The following ARID1B variants were observed in gnomAD, a reference collection of about 807,000 sequenced individuals.
The protein encoded by ARID1B is AT-rich interaction domain 1B, also known as AT-rich interactive domain-containing protein 1B.
ARID1B carries 30 observed loss-of-function variants against 212.3 expected under a neutral mutation model. The observed-to-expected ratio is 0.14, with a 90% CI of 0.11 to 0.19. ARID1B has a LOEUF of 0.19. Among genes scored for constraint, ARID1B ranks in the 10% least tolerant of loss-of-function variants. The probability of loss-of-function intolerance (pLI) is 1.00; values close to 1 mark genes in which losing one functional copy is unlikely to be tolerated. For synonymous variants in ARID1B, 1,402 were observed against 1,301.7 expected (o/e 1.08, Z -1.66); for missense variants, 2,891 against 3,204.0 (o/e 0.90, Z 2.36).
At chr6:157,149,648 T>C (rs1790059699) in intron 8 of ARID1B, 1 of 152,184 alleles carries the variant, frequency 6.6e-6, no homozygotes, top group South Asian at 2.1e-4. Context: ...TGGATAAAAA[T>C]AACATAATTA....
At chr6:157,139,939 G>A (rs111978947) in intron 7 of ARID1B, among the ~76,000 whole-genome samples, 4,082 of 151,696 alleles carry the variant, frequency 0.027, 74 homozygotes, top group Non-Finnish European at 0.042. Context: ...GGCCAAGCTG[G>A]CCTCAAATTC....
chr6:156,795,699 C>T (rs188999761), intron 1 of ARID1B, among the ~76,000 whole-genome samples: 282 of 152,174 alleles, frequency 1.9e-3, no homozygotes, highest in Non-Finnish European at 2.5e-3. Context: ...TCCCTCCCTC[C>T]CCAGGCTGCC....
chr6:157,126,734 T>C (rs1392255030), intron 6 of ARID1B, among the ~76,000 whole-genome samples: 2 of 152,262 alleles, frequency 1.3e-5, no homozygotes, highest in Non-Finnish European at 2.9e-5. Context: ...CTTGGGACCC[T>C]ATAATTCCAT....
chr6:157,116,681 A>G (rs1333615545), intron 6 of ARID1B, among the ~76,000 whole-genome samples: 1 of 151,956 alleles, frequency 6.6e-6, no homozygotes, highest in Non-Finnish European at 1.5e-5. Flanking sequence ...TGCTGGAGGC[A>G]GTTCTCTGGC....
chr6:157,056,296 C>CAAA (rs1307910293), intron 4 of ARID1B, among the ~76,000 whole-genome samples: 3 of 152,192 alleles, frequency 2.0e-5, no homozygotes. Context: ...TACATGTACT[C>CAAA]AAAATGTCCT....
intron 1 of ARID1B, among the ~76,000 whole-genome samples, chr6:156,828,517 A>G (rs539698575): frequency 6.6e-6 from 1 of 152,312 alleles, no homozygotes; most frequent in South Asian, 2.1e-4. Context: ...CTCCACGCCT[A>G]GCCCTCCTGT....
chr6:156,944,449 G>T (rs1173602919), intron 4 of ARID1B, among the ~76,000 whole-genome samples: 2 of 152,216 alleles, frequency 1.3e-5, no homozygotes, highest in Non-Finnish European at 1.5e-5. Context: ...TCTCCTGTAT[G>T]ATCAGTTTGG....
intron 2 of ARID1B, among the ~76,000 whole-genome samples, chr6:156,879,091 C>T (rs1175445310): frequency 6.6e-6 from 1 of 152,234 alleles, no homozygotes; most frequent in African/African-American, 2.4e-5. Context: ...ACCAGCCTAT[C>T]CCGGCTGTGC....
intron 5 of ARID1B, among the ~76,000 whole-genome samples, chr6:157,109,190 T>C (rs1786714176): frequency 6.6e-6 from 1 of 151,952 alleles, no homozygotes; most frequent in Non-Finnish European, 1.5e-5. Flanking sequence ...CACAAGAGGG[T>C]TGGTTGTTGT....
intron 4 of ARID1B, among the ~76,000 whole-genome samples, chr6:157,040,494 T>C (rs1275403036): frequency 6.6e-6 from 1 of 152,248 alleles, no homozygotes; most frequent in East Asian, 1.9e-4. Context: ...CTTTTTTTCC[T>C]ACTAATTCTT....
intron 7 of ARID1B, among the ~76,000 whole-genome samples, chr6:157,147,943 G>A (rs972339606): frequency 1.0e-5 from 1 of 97,714 alleles, no homozygotes; most frequent in Non-Finnish European, 2.0e-5. Context: ...CTTTGACCCT[G>A]CCCGCCAGCT....
chr6:157,065,069 T>C (rs1161699538), intron 4 of ARID1B, among the ~76,000 whole-genome samples: 1 of 152,244 alleles, frequency 6.6e-6, no homozygotes, highest in Non-Finnish European at 1.5e-5. Context: ...AAGGAAGTAG[T>C]GTTTAAGTTA....
chr6:157,050,936 C>T (rs531716487), intron 4 of ARID1B, among the ~76,000 whole-genome samples: 1 of 152,226 alleles, frequency 6.6e-6, no homozygotes, highest in South Asian at 2.1e-4. Context: ...AGTTGACCTC[C>T]CTAAAGGATA....
intron 4 of ARID1B, among the ~76,000 whole-genome samples, chr6:157,029,887 G>A (rs1206757250): frequency 1.3e-5 from 2 of 152,192 alleles, no homozygotes; most frequent in Admixed American, 6.5e-5. Flanking sequence ...TAAGGAGGGA[G>A]TGGAGATGAA....
intron 4 of ARID1B, among the ~76,000 whole-genome samples, chr6:156,965,957 C>T (rs1472478370): frequency 2.0e-5 from 3 of 152,090 alleles, no homozygotes; most frequent in African/African-American, 7.2e-5. Flanking sequence ...ATTTACATAC[C>T]TGCTTTGCTT....
At chr6:156,812,382 T>A (rs1024641158) in intron 1 of ARID1B, among the ~76,000 whole-genome samples, 6 of 152,198 alleles carry the variant, frequency 3.9e-5, no homozygotes, top group Non-Finnish European at 8.8e-5. Context: ...GAATTCCCCA[T>A]GAATCCTTCC....
At chr6:157,173,410 T>A (rs1583449980) in intron 9 of ARID1B, 1 of 152,492 alleles carries the variant, frequency 6.6e-6, no homozygotes, top group South Asian at 2.1e-4. Flanking sequence ...CCAGCACAAC[T>A]GCAAAGTAAT....
At position 157,201,208 on chromosome 6, in the gene ARID1B, G is replaced by A. The variant is rs779739760; in HGVS notation, c.4983G>A (p.Pro1661=). The A allele has an allele frequency of 1.2e-5, 20 of 1,613,714 alleles. No individual in the cohort carries two copies. Among genetic ancestry groups the A allele is most frequent in the African/African-American group, 8.0e-5 (6 of 74,916 alleles). ...AGCCCATCACACGCCCACCACAGCC[G>A]TCCTACCAGACGCCACCGTCACTGC... The part of the protein sequence containing the change: ...SMQPITRPPQ[P]SYQTPPSLPN... Residue 1661 remains proline, a synonymous_variant, in exon 18 of 20, where the codon CCG becomes CCA. Transcript: ENST00000636930. This position sits in a 1 kb window ranked among gnomAD's most constrained non-coding sequence, Gnocchi z 5.2.
In ARID1B at chr6:157,110,410, C is replaced by T. The variant is rs1030983030; in HGVS notation, c.2492-62C>T. On this transcript the variant is annotated intron_variant, in intron 5 of 19. Coordinates refer to ENST00000636930, the MANE Select transcript of ARID1B (RefSeq NM_001374828.1). ...TAAATGTGGCTGTGTCTTGGTTTTG[C>T]ATGACTGCATTATTAATGCAAAGGG... 19 of 1,466,430 alleles carry T rather than the reference C, an allele frequency of 1.3e-5. No individual in the cohort carries two copies. In the African/African-American group the frequency reaches 2.4e-4, roughly 18 times the overall value. 90.8% of individuals were successfully genotyped at this position (1,466,430 alleles called of 1,614,324 possible). A position where few individuals can be genotyped will look rare whatever the true frequency, so the allele number is the denominator to read the frequency against.
Sources: allele counts gnomAD v4.1 joint callset (sites outside exome capture counted in the v4.1 genomes callset), GRCh38; gene constraint gnomAD v4.1.1; non-coding constraint Gnocchi (gnomAD v3.1); transcripts MANE v1.5; gene names NCBI Gene and HGNC (gene_info 2026-07-23, HGNC 2026-07-21).